Variants in KLHL4 observed in about 807,000 individuals in gnomAD.
KLHL4 encodes kelch-like protein 4.
KLHL4 carries 17 observed loss-of-function variants against 45.8 expected under a neutral mutation model. The ratio of observed to expected loss-of-function variants is 0.37; its 90% CI spans 0.25 to 0.56. KLHL4 has a LOEUF of 0.56. Ranked by LOEUF, KLHL4 falls within the 20% of genes least tolerant of loss-of-function variation. KLHL4 has a pLI of 0.79. For synonymous variants in KLHL4, 224 were observed against 189.9 expected (o/e 1.18, Z -1.47); for missense variants, 544 against 544.9 (o/e 1.00, Z 0.02).
At chrX:87,657,586 G>A (rs1384159838) in intron 9 of KLHL4, among the ~76,000 whole-genome samples, 1 of 111,425 alleles carries the variant, frequency 9.0e-6, no homozygotes, top group Non-Finnish European at 1.9e-5. Flanking sequence ...TTTCCTTCCC[G>A]AGCACTGTGC....
intron 1 of KLHL4, among the ~76,000 whole-genome samples, chrX:87,528,554 A>C (rs1192734680): frequency 9.2e-6 from 1 of 108,382 alleles, no homozygotes; most frequent in Non-Finnish European, 1.9e-5. Flanking sequence ...GTCTCTACTA[A>C]AAGTATAAAA....
At chrX:87,531,619 G>A (rs1216822237) in intron 1 of KLHL4, among the ~76,000 whole-genome samples, 1 of 106,434 alleles carries the variant, frequency 9.4e-6, no homozygotes, top group Admixed American at 1.1e-4. Flanking sequence ...AAGCTGATAA[G>A]CAACTTCAGC....
At chrX:87,620,098 C>T (rs760278032) in intron 4 of KLHL4, among the ~76,000 whole-genome samples, 3 of 111,341 alleles carry the variant, frequency 2.7e-5, no homozygotes, top group Non-Finnish European at 5.6e-5. Context: ...CAAGTTCATA[C>T]ATAAAATTAA....
At chrX:87,637,901 A>G (rs918830995) in intron 9 of KLHL4, among the ~76,000 whole-genome samples, 1 of 112,109 alleles carries the variant, frequency 8.9e-6, no homozygotes, top group African/African-American at 3.2e-5. Flanking sequence ...GTGAGCTGAG[A>G]TCATGCCACT....
At chrX:87,528,483 G>A (rs1328564893) in intron 1 of KLHL4, among the ~76,000 whole-genome samples, 1 of 109,741 alleles carries the variant, frequency 9.1e-6, no homozygotes, top group Non-Finnish European at 1.9e-5. Flanking sequence ...TTGGGAGGCC[G>A]AGGCAGGTGG....
At chrX:87,552,749 A>T (rs1252289797) in intron 1 of KLHL4, among the ~76,000 whole-genome samples, 1 of 108,878 alleles carries the variant, frequency 9.2e-6, no homozygotes, top group Non-Finnish European at 1.9e-5. Context: ...AGGAGGTAAA[A>T]ATTAAATCAA....
chrX:87,533,860 A>G (rs1013807566), intron 1 of KLHL4, among the ~76,000 whole-genome samples: 6 of 111,266 alleles, frequency 5.4e-5, no homozygotes, highest in Non-Finnish European at 9.4e-5. Flanking sequence ...GGAATTCAAG[A>G]GCTTTCTGTA....
chrX:87,583,711 A>C (rs917174357), intron 1 of KLHL4, among the ~76,000 whole-genome samples: 25 of 111,667 alleles, frequency 2.2e-4, no homozygotes, highest in African/African-American at 7.8e-4. Flanking sequence ...GTTAGCCCTT[A>C]GACTTTCTGG....
At position 87,632,399 on chromosome X, in the gene KLHL4, T is replaced by G. The variant is rs1205652944; in HGVS notation, c.1514T>G (p.Val505Gly). 1 of 1,206,045 alleles carries G rather than the reference T, an allele frequency of 8.3e-7. No homozygotes were observed. Among genetic ancestry groups the G allele is most frequent in the Non-Finnish European group, 1.1e-6 (1 of 891,819 alleles). ...CFNPVGKIWT[V>G]MPPMSTHRHG... ...AATCCAGTTGGCAAAATCTGGACTGTGATGCCTCCCATGTCAACACATCGG... is the reference window on the plus strand; with the variant it reads ...AATCCAGTTGGCAAAATCTGGACTGGGATGCCTCCCATGTCAACACATCGG... Residue 505 changes from valine to glycine, a missense_variant, in exon 7 of 11, where the codon GTG becomes GGG. Transcript: ENST00000373119.
intron 9 of KLHL4, among the ~76,000 whole-genome samples, chrX:87,653,521 C>G (rs752211512): frequency 5.4e-5 from 6 of 112,002 alleles, no homozygotes; most frequent in Non-Finnish European, 1.1e-4. Context: ...TGCTTTTACA[C>G]TGTTGGTGGG....
chrX:87,543,166 C>T (rs1285880874), intron 1 of KLHL4, among the ~76,000 whole-genome samples: 1 of 111,208 alleles, frequency 9.0e-6, no homozygotes, highest in Admixed American at 9.6e-5. Flanking sequence ...ATCTATGAGT[C>T]GATTAAACCT....
In KLHL4 at chrX:87,622,309, T is replaced by A. The variant is rs779241761; in HGVS notation, c.1023T>A (p.Asp341Glu). The A allele has an allele frequency of 1.7e-6, 2 of 1,206,158 alleles. No homozygotes were observed. Among genetic ancestry groups the A allele is most frequent in the South Asian group, 3.5e-5 (2 of 56,839 alleles). Residue 341 changes from aspartate to glutamate, a missense_variant, in exon 5 of 11, where the codon GAT becomes GAA. Asp to Glu is a conservative substitution (Grantham distance 45). Transcript: ENST00000373119. ...LLCSDDINVP[D>E]EETIFHALMQ... is the part of the protein sequence containing the mutation. ...GCAGTGATGACATTAATGTGCCTGATGAAGAGACCATTTTTCATGCTCTAA... is the reference window on the plus strand; with the variant it reads ...GCAGTGATGACATTAATGTGCCTGAAGAAGAGACCATTTTTCATGCTCTAA...
intron 9 of KLHL4, among the ~76,000 whole-genome samples, chrX:87,656,305 C>T (rs1038954727): frequency 7.3e-5 from 8 of 110,336 alleles, no homozygotes; most frequent in African/African-American, 2.6e-4. Flanking sequence ...TTCTTCTCCC[C>T]CAGGAATACC....
rs186043409 is a variant in KLHL4, at chrX:87,540,025, G to C, written c.422+21710G>C. 2.7e-5 allele frequency among the ~76,000 whole-genome samples: 3 copies of C among 111,678 alleles called. No homozygotes were observed. The South Asian group carries it at 1.1e-3, about 41-fold the overall frequency. The stretch of plus-strand genomic sequence containing the variant: ...ATTACAGTACTGAATATTGTAGGCA[G>C]TTGTAGCACAATGGTACATATTCGC... On this transcript the variant is annotated intron_variant, in intron 1 of 10. Transcript: ENST00000373119.
At chrX:87,575,267 A>G (rs759519292) in intron 1 of KLHL4, among the ~76,000 whole-genome samples, 1 of 111,699 alleles carries the variant, frequency 9.0e-6, no homozygotes, top group Non-Finnish European at 1.9e-5. Context: ...GCCTCCTGTC[A>G]GATCAGCAGC....
At chrX:87,601,055 T>C (rs1436794537) in intron 1 of KLHL4, among the ~76,000 whole-genome samples, 1 of 111,587 alleles carries the variant, frequency 9.0e-6, no homozygotes, top group Non-Finnish European at 1.9e-5. Context: ...CCGAAGTATG[T>C]TACCAGCAGC....
At chrX:87,637,759 G>C (rs1037658008) in intron 9 of KLHL4, among the ~76,000 whole-genome samples, 4 of 110,846 alleles carry the variant, frequency 3.6e-5, no homozygotes, top group African/African-American at 1.3e-4. Flanking sequence ...GACCAGCCTG[G>C]CCAACATGGC....
At position 87,635,652 on chromosome X, in the gene KLHL4, C is replaced by T; in HGVS notation, c.1802C>T (p.Ala601Val). Reference sequence around the variant, plus strand: ...CACACTAACAAGTGGAGTTTGTGTGCTCCAATGTCCAAAAGACGTGGAGGT... The same window carrying T: ...CACACTAACAAGTGGAGTTTGTGTGTTCCAATGTCCAAAAGACGTGGAGGT... ...DPHTNKWSLC[A>V]PMSKRRGGVG... The change falls in exon 9 of 11, where the codon GCT (alanine) becomes GTT (valine). Residue 601 changes from alanine to valine, a missense_variant. Coordinates refer to ENST00000373119, the MANE Select transcript of KLHL4 (RefSeq NM_019117.5). The T allele has an allele frequency of 8.3e-7, 1 of 1,209,647 alleles. No homozygotes were observed.
At chrX:87,561,473 A>C (rs1298833330) in intron 1 of KLHL4, among the ~76,000 whole-genome samples, 2 of 111,794 alleles carry the variant, frequency 1.8e-5, no homozygotes, top group African/African-American at 6.5e-5. Flanking sequence ...CCATAGAGGG[A>C]GCACTTAAAC....
Sources: allele counts gnomAD v4.1 joint callset (sites outside exome capture counted in the v4.1 genomes callset), GRCh38; gene constraint gnomAD v4.1.1; transcripts MANE v1.5; gene names NCBI Gene and HGNC (gene_info 2026-07-23, HGNC 2026-07-21).